Variants in GPAT3 observed in about 807,000 individuals in gnomAD.
GPAT3 encodes glycerol-3-phosphate acyltransferase 3.
GPAT3 carries 53 observed loss-of-function variants against 58.8 expected under a neutral mutation model. The observed-to-expected ratio is 0.90, with a 90% confidence interval of 0.72 to 1.13. GPAT3 has a LOEUF of 1.13. GPAT3 is among the 50% of genes most tolerant of loss of function. The pLI is 0.00. For missense variants in GPAT3, 511 were observed against 527.6 expected (o/e 0.97, Z 0.31); for synonymous variants, 197 against 187.4 (o/e 1.05, Z -0.42).
upstream of GPAT3, chr4:83,535,936 A>T: frequency 1.0e-6 from 1 of 985,598 alleles, no homozygotes; most frequent in Non-Finnish European, 1.2e-6. Flanking sequence ...TCCTCCTGAA[A>T]GGACCTTTGC....
chr4:83,578,072 A>AG lies in GPAT3; in HGVS notation c.209-3490_209-3489insG, dbSNP rs1725885944. On this transcript the variant is annotated intron_variant, in intron 2 of 11. Coordinates refer to ENST00000264409, the MANE Select transcript of GPAT3 (RefSeq NM_032717.5). ...CACCTCGGCCTCCCAAAGTGCTGGG[A>AG]TTACAGGTGTGAGCCACCATACCTG... Among the ~76,000 whole-genome samples the AG allele has an allele frequency of 2.0e-5, 3 of 152,120 alleles. No individual in the cohort carries two copies. In the South Asian group the frequency reaches 6.2e-4, roughly 32 times the overall value.
At chr4:83,604,255 G>C (rs1727174537) in intron 11 of GPAT3, among the ~76,000 whole-genome samples, 1 of 152,106 alleles carries the variant, frequency 6.6e-6, no homozygotes, top group Non-Finnish European at 1.5e-5. Context: ...ATTTTTAGTA[G>C]AGACAGGGTT....
At chr4:83,578,321 C>T (rs1462144006) in intron 2 of GPAT3, among the ~76,000 whole-genome samples, 1 of 152,072 alleles carries the variant, frequency 6.6e-6, no homozygotes, top group Non-Finnish European at 1.5e-5. Context: ...AGATAAATTG[C>T]AGTTACCTAC....
chr4:83,546,186 T>G (rs970411867), intron 2 of GPAT3, among the ~76,000 whole-genome samples: 1 of 152,100 alleles, frequency 6.6e-6, no homozygotes, highest in African/African-American at 2.4e-5. Context: ...GGTTTCACCA[T>G]GTTGGCCAGG....
At chr4:83,595,086 G>A in intron 7 of GPAT3, 126 bp downstream of exon 7, 1 of 751,422 alleles carries the variant, frequency 1.3e-6, no homozygotes, top group Non-Finnish European at 2.1e-6. Flanking sequence ...TTTGCTGTTG[G>A]ATTTTTCTGG....
intron 8 of GPAT3, 86 bp from the exon 9 acceptor site, chr4:83,597,344 T>C: frequency 1.4e-6 from 1 of 729,092 alleles, no homozygotes; most frequent in Non-Finnish European, 2.0e-6. Flanking sequence ...TTAAATTATT[T>C]TATATCAAAA....
intron 3 of GPAT3, 124 bp downstream of exon 3, chr4:83,581,956 A>G: frequency 7.9e-7 from 1 of 1,272,740 alleles, no homozygotes; most frequent in Non-Finnish European, 1.1e-6. Flanking sequence ...AGGAAATGCC[A>G]CCAAACATGA....
At chr4:83,553,283 A>G (rs1047976606) in intron 2 of GPAT3, among the ~76,000 whole-genome samples, 1 of 152,202 alleles carries the variant, frequency 6.6e-6, no homozygotes, top group Non-Finnish European at 1.5e-5. Context: ...TAAGCCTTGA[A>G]TCACAGAAAG....
intron 9 of GPAT3, among the ~76,000 whole-genome samples, chr4:83,597,782 T>A (rs1337225696): frequency 1.3e-5 from 2 of 152,182 alleles, no homozygotes; most frequent in African/African-American, 4.8e-5. Flanking sequence ...TTCATCAGCC[T>A]TCTAGTTAAG....
upstream of GPAT3, chr4:83,536,010 T>C: frequency 1.0e-6 from 1 of 985,400 alleles, no homozygotes; most frequent in Non-Finnish European, 1.2e-6. Flanking sequence ...GCGGCACTCC[T>C]GGGCTAAGTA....
At chr4:83,537,522 T>C (rs1724144378) in intron 1 of GPAT3, among the ~76,000 whole-genome samples, 1 of 151,884 alleles carries the variant, frequency 6.6e-6, no homozygotes, top group Admixed American at 6.6e-5. Context: ...CAGAGATCAG[T>C]GGTTTCTTTG....
intron 6 of GPAT3, among the ~76,000 whole-genome samples, chr4:83,592,531 T>G (rs1283229126): frequency 6.6e-6 from 1 of 152,214 alleles, no homozygotes; most frequent in South Asian, 2.1e-4. Flanking sequence ...ATACAACAGA[T>G]GTTTTGATAG....
intron 11 of GPAT3, among the ~76,000 whole-genome samples, chr4:83,601,773 T>C (rs1727062707): frequency 1.3e-5 from 2 of 152,148 alleles, no homozygotes; most frequent in African/African-American, 4.8e-5. Context: ...AATAAACAAA[T>C]AAATAAAATT....
chr4:83,570,294 T>C (rs1376106954), intron 2 of GPAT3, among the ~76,000 whole-genome samples: 1 of 152,184 alleles, frequency 6.6e-6, no homozygotes, highest in African/African-American at 2.4e-5. Context: ...CCTCATAGGA[T>C]TGCGAAGACT....
chr4:83,596,312 C>T lies in GPAT3; in HGVS notation c.855-546C>T, dbSNP rs531171589. On this transcript the variant is annotated intron_variant, in intron 7 of 11. Coordinates refer to ENST00000264409, the MANE Select transcript of GPAT3 (RefSeq NM_032717.5). ...TCTAATATTCTCTTTTAAGAATAGG[C>T]GAAGACACTGAAAATCACTTACTTT... 1.2e-4 allele frequency among the ~76,000 whole-genome samples: 18 copies of T among 152,186 alleles called. No homozygotes were observed. The South Asian group carries it at 2.1e-3, about 18-fold the overall frequency.
intron 1 of GPAT3, among the ~76,000 whole-genome samples, chr4:83,541,060 G>A (rs910824712): frequency 1.4e-4 from 22 of 152,136 alleles, no homozygotes; most frequent in African/African-American, 5.1e-4. Flanking sequence ...TGTCTGAGAT[G>A]ATTACAGCCA....
At chr4:83,545,081 A>G (rs971639186) in intron 2 of GPAT3, among the ~76,000 whole-genome samples, 7 of 152,254 alleles carry the variant, frequency 4.6e-5, no homozygotes, top group African/African-American at 1.7e-4. Context: ...GAATCATCAC[A>G]TACTATACTT....
chr4:83,570,150 A>T (rs2110088072), intron 2 of GPAT3, among the ~76,000 whole-genome samples: 1 of 152,280 alleles, frequency 6.6e-6, no homozygotes, highest in Non-Finnish European at 1.5e-5. Context: ...CATATGAGGA[A>T]GCACTTGGTT....
At chr4:83,551,764 C>G (rs1341771157) in intron 2 of GPAT3, among the ~76,000 whole-genome samples, 3 of 143,762 alleles carry the variant, frequency 2.1e-5, no homozygotes, top group Admixed American at 7.2e-5. Context: ...TGCACTCCAG[C>G]CTGGGAGACA....
Sources: gnomAD v4.1 joint callset for allele counts (sites outside exome capture counted in the v4.1 genomes callset) on GRCh38, gnomAD v4.1.1 for gene constraint, MANE v1.5 for transcripts, NCBI Gene and HGNC (gene_info 2026-07-23, HGNC 2026-07-21) for gene names.